AGMO: variants seen among roughly 807,000 people sequenced by gnomAD.
The protein encoded by AGMO is alkylglycerol monooxygenase.
A neutral mutation model predicts 60.2 loss-of-function variants in AGMO; 75 were observed. The ratio of observed to expected loss-of-function variants is 1.25; its 90% CI spans 1.03 to 1.51. The LOEUF (loss-of-function observed/expected upper bound fraction) is 1.51, where lower values mean the gene tolerates loss of function less well. Among genes scored for constraint, AGMO ranks in the 40% most tolerant of loss-of-function variants. The probability of loss-of-function intolerance (pLI) is 0.00; values close to 1 mark genes in which losing one functional copy is unlikely to be tolerated. For missense variants in AGMO, 763 were observed against 525.5 expected, an observed-to-expected ratio of 1.45 and a Z score of -4.42; for synonymous variants, 261 against 177.1, an observed-to-expected ratio of 1.47 and a Z score of -3.76.
At chr7:15,150,914 G>A in the AGMO span, among the ~76,000 whole-genome samples, 1 of 152,088 alleles carries the variant, frequency 6.6e-6, no homozygotes, top group South Asian at 2.1e-4. Flanking sequence ...TTCTTTATAT[G>A]TCTGGTAGAA....
chr7:15,286,187 C>A (rs1445331695), intron 12 of AGMO, among the ~76,000 whole-genome samples: 2 of 151,816 alleles, frequency 1.3e-5, no homozygotes, highest in African/African-American at 4.8e-5. Context: ...ATGACTAAGA[C>A]CCCAAGAGCA....
chr7:15,232,251 C>T (rs1782283099), intron 12 of AGMO, among the ~76,000 whole-genome samples: 1 of 152,194 alleles, frequency 6.6e-6, no homozygotes, highest in Admixed American at 6.5e-5. Flanking sequence ...CAATCTCCTT[C>T]TTACAAGACA....
At chr7:15,522,172 A>G (rs1784013274) in intron 3 of AGMO, among the ~76,000 whole-genome samples, 1 of 152,186 alleles carries the variant, frequency 6.6e-6, no homozygotes, top group South Asian at 2.1e-4. Context: ...AAGGAGAACT[A>G]CAAACCACTG....
At chr7:15,525,990 A>G (rs1378073406) in intron 3 of AGMO, among the ~76,000 whole-genome samples, 1 of 152,148 alleles carries the variant, frequency 6.6e-6, no homozygotes, top group Non-Finnish European at 1.5e-5. Flanking sequence ...CCCTGCATGG[A>G]ACTCACTCCT....
Position 15,391,838 on chromosome 7 carries a change from A to G in AGMO, c.677-933T>C, listed in dbSNP as rs1784150871. Among the ~76,000 whole-genome samples, 3 of 152,228 alleles carry G rather than the reference A, an allele frequency of 2.0e-5. 1 individual carries two copies. In the South Asian group the frequency reaches 6.2e-4, roughly 32 times the overall value. ...CATGAGTAGCCACACCTGGGAGGGG[A>G]TCCTAATGACATCTAATGGGTGGGG... On this transcript the variant is annotated intron_variant, in intron 6 of 12. Transcript: ENST00000342526.
intron 3 of AGMO, among the ~76,000 whole-genome samples, chr7:15,481,362 G>A (rs191616488): frequency 5.9e-5 from 9 of 152,242 alleles, no homozygotes; most frequent in South Asian, 2.1e-4. Flanking sequence ...CAGGCAGTCC[G>A]TGAATCTCTG....
chr7:15,305,860 T>C (rs888481829), intron 12 of AGMO, among the ~76,000 whole-genome samples: 7 of 151,970 alleles, frequency 4.6e-5, no homozygotes, highest in African/African-American at 1.7e-4. Context: ...ATTAGTAAAA[T>C]GGCACTATGG....
At chr7:15,387,088 T>C (rs1342000691) in intron 9 of AGMO, among the ~76,000 whole-genome samples, 1 of 152,184 alleles carries the variant, frequency 6.6e-6, no homozygotes, top group Non-Finnish European at 1.5e-5. Context: ...GGACTCTGTG[T>C]CTGAGCTGCA....
intron 1 of AGMO, among the ~76,000 whole-genome samples, chr7:15,561,486 C>G (rs1017109417): frequency 1.3e-5 from 2 of 152,136 alleles, no homozygotes; most frequent in African/African-American, 4.8e-5. Context: ...TTGTTTTTGT[C>G]ATATTCTGGA....
chr7:15,344,867 C>T lies in AGMO; in HGVS notation c.1263+20647G>A, dbSNP rs148139149. Among the ~76,000 whole-genome samples the T allele has an allele frequency of 5.0e-3, 764 of 152,196 alleles. 10 individuals carry two copies. The highest frequency in any genetic ancestry group is 0.017 in the African/African-American group (715 of 41,504). On this transcript the variant is annotated intron_variant, in intron 12 of 12. Transcript: ENST00000342526. ...CATCTGTCAACATTTTATCTGAATG[C>T]GTTACCTTACTCTATCACATCAGTT... is the stretch of plus-strand genomic sequence containing the variant.
chr7:15,164,886 GTATC>G, the AGMO span, among the ~76,000 whole-genome samples: 1 of 149,712 alleles, frequency 6.7e-6, no homozygotes, highest in South Asian at 2.1e-4. Context: ...GCAATCCTGA[GTATC>G]TATCCACAGA....
At chr7:15,511,795 T>A (rs534691981) in intron 3 of AGMO, among the ~76,000 whole-genome samples, 168 of 152,240 alleles carry the variant, frequency 1.1e-3, no homozygotes, top group African/African-American at 3.9e-3. Context: ...AAATTCTTTT[T>A]AATTAACTTA....
chr7:15,139,834 A>AAG, the AGMO span, among the ~76,000 whole-genome samples: 1 of 150,676 alleles, frequency 6.6e-6, no homozygotes, highest in Non-Finnish European at 1.5e-5. Context: ...AAAAAAAAAA[A>AAG]AAAAGAATAA....
At chr7:15,330,956 G>A (rs990333777) in intron 12 of AGMO, among the ~76,000 whole-genome samples, 3 of 152,044 alleles carry the variant, frequency 2.0e-5, no homozygotes, top group Non-Finnish European at 4.4e-5. Context: ...AGAATATCAT[G>A]GAAGTGATCT....
intron 1 of AGMO, 95 bp from the exon 2 acceptor site, chr7:15,560,366 A>T (rs1331835264): frequency 7.3e-7 from 1 of 1,376,786 alleles, no homozygotes; most frequent in South Asian, 1.4e-5. Flanking sequence ...AAAGGCCCAG[A>T]TTTGGGAAGC....
At chr7:15,228,095 G>A (rs1166823549) in intron 12 of AGMO, among the ~76,000 whole-genome samples, 2 of 151,994 alleles carry the variant, frequency 1.3e-5, no homozygotes, top group African/African-American at 4.8e-5. Flanking sequence ...TTTCTTTAAA[G>A]TTTTTCTTTT....
At chr7:15,133,538 C>A in the AGMO span, among the ~76,000 whole-genome samples, 1 of 151,968 alleles carries the variant, frequency 6.6e-6, no homozygotes, top group Non-Finnish European at 1.5e-5. Flanking sequence ...GGATAAGGAC[C>A]AAGAGGCAAG....
chr7:15,208,585 A>AT (rs1382487234), intron 12 of AGMO, among the ~76,000 whole-genome samples: 1 of 152,194 alleles, frequency 6.6e-6, no homozygotes, highest in Non-Finnish European at 1.5e-5. Flanking sequence ...CTCTGCTGAG[A>AT]TTTTTTATGC....
intron 9 of AGMO, 85 bp from the exon 10 acceptor site, chr7:15,385,647 G>T: frequency 1.3e-6 from 1 of 766,422 alleles, no homozygotes; most frequent in Non-Finnish European, 2.2e-6. Context: ...TTTGAAAAAA[G>T]TATCTGCTAT....
Sources: allele counts gnomAD v4.1 joint callset (sites outside exome capture counted in the v4.1 genomes callset), GRCh38; gene constraint gnomAD v4.1.1; transcripts MANE v1.5; gene names NCBI Gene and HGNC (gene_info 2026-07-23, HGNC 2026-07-21).